CCDC158: variants seen among roughly 807,000 people sequenced by gnomAD.
The protein encoded by CCDC158 is coiled-coil domain-containing protein 158.
A neutral mutation model predicts 138.6 loss-of-function variants in CCDC158; 116 were observed. The observed-to-expected ratio is 0.84, with a 90% CI of 0.72 to 0.98. The LOEUF is 0.98. Among genes scored for constraint, CCDC158 ranks in the 50% least tolerant of loss-of-function variants. The probability of loss-of-function intolerance (pLI) is 0.00; values close to 1 mark genes in which losing one functional copy is unlikely to be tolerated. For synonymous variants in CCDC158, 436 were observed against 442.4 expected (o/e 0.99, Z 0.18); for missense variants, 1,265 against 1,306.1 (o/e 0.97, Z 0.48).
In CCDC158 at chr4:76,321,523, A is replaced by G. The variant is rs74540065; in HGVS notation, c.3277+1779T>C. Among the ~76,000 whole-genome samples the G allele has an allele frequency of 8.4e-3, 1,269 of 150,606 alleles. 56 individuals carry two copies. The East Asian group carries it at 0.13, about 16-fold the overall frequency. On this transcript the variant is annotated intron_variant, in intron 24 of 24. Coordinates refer to ENST00000682701, the MANE Select transcript of CCDC158 (RefSeq NM_001394954.1). ...CAGCCTAAATGCTCACCAACCAACT[A>G]GTGGATAAAGAAAATTATATCGATC...
chr4:76,416,522 C>T (rs1277338525), intron 1 of CCDC158, among the ~76,000 whole-genome samples: 1 of 152,118 alleles, frequency 6.6e-6, no homozygotes, highest in Non-Finnish European at 1.5e-5. Flanking sequence ...TGGCAGCCCA[C>T]CCCAACACAG....
intron 1 of CCDC158, among the ~76,000 whole-genome samples, chr4:76,419,102 A>G (rs1729916948): frequency 6.6e-6 from 1 of 152,180 alleles, no homozygotes; most frequent in Non-Finnish European, 1.5e-5. Context: ...AGCCTTTGCC[A>G]CTTTTTACCT....
chr4:76,376,206 A>G (rs1476630011), intron 9 of CCDC158, among the ~76,000 whole-genome samples: 2 of 152,104 alleles, frequency 1.3e-5, no homozygotes, highest in African/African-American at 4.8e-5. Flanking sequence ...GGCGCACGCT[A>G]CCATGCCCAG....
intron 2 of CCDC158, among the ~76,000 whole-genome samples, chr4:76,411,859 C>T (rs1729323587): frequency 6.6e-6 from 1 of 152,168 alleles, no homozygotes; most frequent in African/African-American, 2.4e-5. Context: ...AGAGACACCT[C>T]TATGGAACAC....
At position 76,384,325 on chromosome 4, in the gene CCDC158, G is replaced by T. The variant is rs1242076420; in HGVS notation, c.489C>A (p.Asp163Glu). 3.7e-6 allele frequency: 6 copies of T among 1,613,922 alleles called. No individual in the cohort carries two copies. The highest frequency in any genetic ancestry group is 2.7e-5 in the African/African-American group (2 of 74,900). ...ELEAAKCLKE[D>E]MLKDSNTQIE... ...TCTGTGTGTTGCTGTCTTTCAGCATGTCCTCTTTAAGGCATTTGGCAGCTT... is the reference window on the plus strand; with the variant it reads ...TCTGTGTGTTGCTGTCTTTCAGCATTTCCTCTTTAAGGCATTTGGCAGCTT... The change falls in exon 6 of 25, where the codon GAC (aspartate) becomes GAA (glutamate). Residue 163 changes from aspartate (D) to glutamate (E), a missense_variant. Physicochemically the swap from Asp to Glu is conservative, Grantham distance 45. Coordinates refer to ENST00000682701, the MANE Select transcript of CCDC158 (RefSeq NM_001394954.1).
chr4:76,377,270 C>T (rs1200069821), intron 9 of CCDC158, among the ~76,000 whole-genome samples: 1 of 152,170 alleles, frequency 6.6e-6, no homozygotes, highest in Non-Finnish European at 1.5e-5. Context: ...ATGTAAGAAA[C>T]CACAGGTGAG....
chr4:76,369,385 G>A (rs773244473), intron 11 of CCDC158, 41 bp downstream of exon 11: 92 of 1,586,198 alleles, frequency 5.8e-5, no homozygotes, highest in Non-Finnish European at 7.7e-5. Context: ...TTTCCCCAGA[G>A]GAGATTGTTT....
At position 76,358,652 on chromosome 4, in the gene CCDC158, C is replaced by T. The variant is rs538879971; in HGVS notation, c.2021-1126G>A. Among the ~76,000 whole-genome samples the T allele has an allele frequency of 5.3e-5, 8 of 152,278 alleles. No individual in the cohort carries two copies. In the East Asian group the frequency reaches 1.5e-3, roughly 29 times the overall value. On this transcript the variant is annotated intron_variant, in intron 13 of 24. Transcript: ENST00000682701. ...GTCCCTTGCACCCCTTTTTCACCTG[C>T]TGAATTCCTTTTCCTCTTTCAAACC...
rs28643457 is a variant in CCDC158 at position 76,325,743 on chromosome 4, T to C, written c.3169+114A>G. On this transcript the variant is annotated intron_variant, in intron 23 of 24. Transcript: ENST00000682701. ...CCTGTTTAAATTACACAGAATCAGT[T>C]AGAGCTTACACATAAGAGCAGCATG... 1.1e-3 allele frequency: 901 copies of C among 793,670 alleles called. 1 individual carries two copies. Among genetic ancestry groups the C allele is most frequent in the Non-Finnish European group, 1.6e-3 (828 of 510,092 alleles). 49.2% of individuals were successfully genotyped at this position (793,670 alleles called of 1,614,324 possible).
intron 16 of CCDC158, chr4:76,352,072 A>C (rs1167810770): frequency 6.6e-6 from 2 of 303,658 alleles, no homozygotes; most frequent in African/African-American, 4.4e-5. Context: ...GGATGGAATG[A>C]GCAAACAGCT....
chr4:76,399,866 G>A (rs1021013776), intron 3 of CCDC158, among the ~76,000 whole-genome samples: 4 of 152,130 alleles, frequency 2.6e-5, no homozygotes, highest in Admixed American at 2.0e-4. Context: ...AGGGGCAGAG[G>A]AGTTGACAGT....
chr4:76,317,216 T>C (rs1055538876), intron 24 of CCDC158, among the ~76,000 whole-genome samples: 3 of 152,094 alleles, frequency 2.0e-5, no homozygotes, highest in Non-Finnish European at 1.5e-5. Context: ...ACCAACCAAG[T>C]ATCTGCTGTC....
intron 20 of CCDC158, among the ~76,000 whole-genome samples, chr4:76,331,952 G>T (rs1047939997): frequency 6.6e-6 from 1 of 152,026 alleles, no homozygotes; most frequent in East Asian, 1.9e-4. Context: ...TTTGATTATG[G>T]TCTTATTTGG....
At chr4:76,409,079 G>A (rs1361904134) in intron 2 of CCDC158, among the ~76,000 whole-genome samples, 2 of 152,148 alleles carry the variant, frequency 1.3e-5, no homozygotes, top group East Asian at 3.9e-4. Flanking sequence ...AGGATGCTTA[G>A]TATCTCTGTT....
intron 4 of CCDC158, among the ~76,000 whole-genome samples, chr4:76,390,038 T>A (rs1212867778): frequency 1.3e-5 from 2 of 152,120 alleles, no homozygotes; most frequent in Non-Finnish European, 2.9e-5. Flanking sequence ...ACAAAACTCA[T>A]TGGTAATAGT....
At chr4:76,418,668 G>A (rs1475988577) in intron 1 of CCDC158, among the ~76,000 whole-genome samples, 1 of 152,150 alleles carries the variant, frequency 6.6e-6, no homozygotes, top group Non-Finnish European at 1.5e-5. Context: ...AAAACCATCA[G>A]ATCTTGTGAG....
chr4:76,339,890 G>A (rs577141859), intron 18 of CCDC158, among the ~76,000 whole-genome samples: 1 of 152,284 alleles, frequency 6.6e-6, no homozygotes, highest in Middle Eastern at 3.4e-3. Context: ...ACACAGCTCT[G>A]AGAGGAGATA....
chr4:76,314,948 A>C (rs1719229607), intron 24 of CCDC158, among the ~76,000 whole-genome samples: 1 of 152,220 alleles, frequency 6.6e-6, no homozygotes, highest in South Asian at 2.1e-4. Flanking sequence ...CAGTGTGGGC[A>C]GACAGGAAGG....
intron 1 of CCDC158, among the ~76,000 whole-genome samples, chr4:76,417,685 G>C (rs1047513087): frequency 2.6e-5 from 4 of 152,100 alleles, no homozygotes; most frequent in African/African-American, 9.7e-5. Flanking sequence ...TCCCACTCTC[G>C]GGTATGTCTT....
Sources: allele counts gnomAD v4.1 joint callset (sites outside exome capture counted in the v4.1 genomes callset), GRCh38; gene constraint gnomAD v4.1.1; transcripts MANE v1.5; gene names NCBI Gene and HGNC (gene_info 2026-07-23, HGNC 2026-07-21).